Variants in ELAVL4 observed in about 807,000 individuals in gnomAD.
ELAVL4 encodes the protein ELAV like RNA binding protein 4.
ELAVL4 carries 1 observed loss-of-function variant against 35.6 expected under a neutral mutation model. That is an observed-to-expected ratio of 0.03 (90% CI 0.01 to 0.13). The LOEUF (loss-of-function observed/expected upper bound fraction) is 0.13, where lower values mean the gene tolerates loss of function less well. ELAVL4 is among the 10% of genes least tolerant of loss of function. ELAVL4 has a pLI of 1.00. For synonymous variants in ELAVL4, 156 were observed against 171.0 expected, an observed-to-expected ratio of 0.91 and a Z score of 0.69; for missense variants, 267 against 464.9, an observed-to-expected ratio of 0.57 and a Z score of 3.91.
intron 1 of ELAVL4, among the ~76,000 whole-genome samples, chr1:50,139,730 C>T (rs1572361448): frequency 1.3e-5 from 2 of 152,298 alleles, no homozygotes; most frequent in East Asian, 3.9e-4. Context: ...TTTTTAGTTT[C>T]CAAGAGCAGG....
intron 1 of ELAVL4, among the ~76,000 whole-genome samples, chr1:50,088,610 G>A (rs538826854): frequency 5.3e-5 from 8 of 152,294 alleles, no homozygotes; most frequent in African/African-American, 1.7e-4. Flanking sequence ...ATCTAAAAAT[G>A]TGTGGTCCCA....
chr1:50,194,249 G>C (rs962442505), intron 4 of ELAVL4, among the ~76,000 whole-genome samples: 56 of 152,248 alleles, frequency 3.7e-4, no homozygotes, highest in African/African-American at 1.2e-3. Context: ...CATTACTTTT[G>C]TATGTGAAAA....
upstream of ELAVL4, chr1:50,103,913 T>C (rs1666117495): frequency 1.9e-6 from 3 of 1,613,160 alleles, no homozygotes; most frequent in East Asian, 6.7e-5. Flanking sequence ...AGGCTCAGTC[T>C]GACTTGGAGT....
At chr1:50,050,466 A>G (rs775783121) in intron 1 of ELAVL4, among the ~76,000 whole-genome samples, 2 of 152,214 alleles carry the variant, frequency 1.3e-5, no homozygotes, top group African/African-American at 2.4e-5. Context: ...ATTTGATTTT[A>G]TGTGCATTAT....
intron 1 of ELAVL4, among the ~76,000 whole-genome samples, chr1:50,049,327 T>C (rs1454833090): frequency 1.3e-5 from 2 of 152,142 alleles, no homozygotes. Context: ...TACTTGCAAA[T>C]TGACACTGAA....
chr1:50,153,747 T>C (rs1004535948), intron 2 of ELAVL4, among the ~76,000 whole-genome samples: 1 of 152,142 alleles, frequency 6.6e-6, no homozygotes, highest in Admixed American at 6.5e-5. Flanking sequence ...TAACCCCCAA[T>C]GTAATAGTTT....
At chr1:50,083,205 C>G (rs1184509070) in intron 1 of ELAVL4, among the ~76,000 whole-genome samples, 1 of 152,066 alleles carries the variant, frequency 6.6e-6, no homozygotes, top group Non-Finnish European at 1.5e-5. Context: ...TACAAGCACA[C>G]AACACTTTAC....
intron 2 of ELAVL4, among the ~76,000 whole-genome samples, chr1:50,163,620 G>T (rs1458069684): frequency 1.3e-5 from 2 of 152,178 alleles, no homozygotes; most frequent in African/African-American, 4.8e-5. Flanking sequence ...GAGGCCAGAA[G>T]TTCGAGACCA....
intron 1 of ELAVL4, chr1:50,110,084 A>T: frequency 1.5e-6 from 2 of 1,317,668 alleles, no homozygotes; most frequent in Non-Finnish European, 2.1e-6. Flanking sequence ...CACTGTGCTG[A>T]TCGTTTGTGT....
rs769519214 is a variant in ELAVL4, at chr1:50,201,010, C to T, written c.933C>T (p.Asn311=). 22 of 1,613,972 alleles carry T rather than the reference C, an allele frequency of 1.4e-5. No homozygotes were observed. Among genetic ancestry groups the T allele is most frequent in the South Asian group, 5.5e-5 (5 of 91,076 alleles). Reference sequence around the variant, plus strand: ...TTGGCCCCTTTGGAGCAGTGAACAACGTAAAGGTGATTCGTGACTTCAACA... The same window carrying T: ...TTGGCCCCTTTGGAGCAGTGAACAATGTAAAGGTGATTCGTGACTTCAACA... ...QLFGPFGAVN[N]VKVIRDFNTN... The change falls in exon 7 of 7, where the codon AAC becomes AAT. Residue 311 remains asparagine (N), a synonymous_variant. Transcript: ENST00000371824. The surrounding 1 kb of genome is among the most constrained non-coding windows in gnomAD (Gnocchi z 4.3).
intron 1 of ELAVL4, among the ~76,000 whole-genome samples, chr1:50,061,819 T>C (rs1244909610): frequency 3.3e-5 from 5 of 152,210 alleles, no homozygotes; most frequent in Non-Finnish European, 5.9e-5. Flanking sequence ...CAGGCCTTTG[T>C]CTGATTTGCC....
chr1:50,172,175 C>A (rs1283442783), intron 2 of ELAVL4, among the ~76,000 whole-genome samples: 1 of 152,070 alleles, frequency 6.6e-6, no homozygotes, highest in Non-Finnish European at 1.5e-5. Flanking sequence ...AGCCATCAAC[C>A]ATAAGGATGT....
chr1:50,140,991 G>A (rs917399963), intron 1 of ELAVL4, among the ~76,000 whole-genome samples: 1 of 152,164 alleles, frequency 6.6e-6, no homozygotes, highest in Non-Finnish European at 1.5e-5. Flanking sequence ...ACATAGATTA[G>A]GAAATCCACA....
chr1:50,054,050 G>A (rs1314784174), intron 1 of ELAVL4, among the ~76,000 whole-genome samples: 1 of 152,204 alleles, frequency 6.6e-6, no homozygotes, highest in East Asian at 1.9e-4. Context: ...CAGCAAGGAG[G>A]TCAGTGTGGC....
chr1:50,170,228 T>G (rs1188402889), intron 2 of ELAVL4, among the ~76,000 whole-genome samples: 1 of 152,208 alleles, frequency 6.6e-6, no homozygotes, highest in Non-Finnish European at 1.5e-5. Flanking sequence ...GCAGCGACTT[T>G]ACATGCATTA....
chr1:50,095,770 G>GAAGCAC (rs1374760274), intron 1 of ELAVL4, among the ~76,000 whole-genome samples: 1 of 152,130 alleles, frequency 6.6e-6, no homozygotes, highest in Admixed American at 6.5e-5. Context: ...TCCAGCTATG[G>GAAGCAC]AAGCACAAAT....
intron 1 of ELAVL4, among the ~76,000 whole-genome samples, chr1:50,049,255 C>G (rs1663231721): frequency 6.6e-6 from 1 of 152,174 alleles, no homozygotes; most frequent in African/African-American, 2.4e-5. Flanking sequence ...AGTAGAGCTC[C>G]TTGAGAAGCT....
intron 1 of ELAVL4, among the ~76,000 whole-genome samples, chr1:50,075,055 G>A (rs746884583): frequency 2.0e-4 from 30 of 152,220 alleles, no homozygotes; most frequent in Admixed American, 7.8e-4. Context: ...TTTGGTCTTT[G>A]TGAGAAAGGT....
rs139371100 is a variant in ELAVL4 at position 50,122,713 on chromosome 1, C to A, written c.9+13515C>A. Among the ~76,000 whole-genome samples, 144 of 152,150 alleles carry A rather than the reference C, an allele frequency of 9.5e-4. 1 individual carries two copies. The highest frequency in any genetic ancestry group is 3.4e-3 in the Middle Eastern group (1 of 294). ...TTCCATCTTAGTGTGAAAAGCAAATCCCATGGCAGAGACATTTGGAGAATG... is the reference window on the plus strand; with the variant it reads ...TTCCATCTTAGTGTGAAAAGCAAATACCATGGCAGAGACATTTGGAGAATG... On this transcript the variant is annotated intron_variant, in intron 1 of 6. Coordinates refer to ENST00000371824, the MANE Select transcript of ELAVL4 (RefSeq NM_001144774.3).
Sources: gnomAD v4.1 joint callset for allele counts (sites outside exome capture counted in the v4.1 genomes callset) on GRCh38, gnomAD v4.1.1 for gene constraint, Gnocchi (gnomAD v3.1) non-coding constraint, MANE v1.5 for transcripts, NCBI Gene and HGNC (gene_info 2026-07-23, HGNC 2026-07-21) for gene names.